GNAS-AS1: variants seen among roughly 807,000 people sequenced by gnomAD.
GNAS-AS1 encodes the protein GNAS antisense RNA 1.
At chr20:58,838,535 T>A (rs1268087244) in intron 4 of GNAS-AS1, among the ~76,000 whole-genome samples, 2 of 152,144 alleles carry the variant, frequency 1.3e-5, no homozygotes, top group Non-Finnish European at 2.9e-5. Flanking sequence ...CTTTTGTTGT[T>A]GTTGTTCACT....
At chr20:58,824,430 C>G (rs1003842705) in intron 4 of GNAS-AS1, among the ~76,000 whole-genome samples, 1 of 152,210 alleles carries the variant, frequency 6.6e-6, no homozygotes, top group Admixed American at 6.5e-5. Context: ...GAAAGGTGAG[C>G]AAAGTCCCAC....
At chr20:58,850,322 T>C (rs74327964) in intron 1 of GNAS-AS1, among the ~76,000 whole-genome samples, 1 of 152,356 alleles carries the variant, frequency 6.6e-6, no homozygotes, top group East Asian at 1.9e-4. Flanking sequence ...GTCACCTCCA[T>C]GCATGTGCTC....
chr20:58,844,050 G>A (rs765350123), intron 2 of GNAS-AS1: 2 of 152,208 alleles, frequency 1.3e-5, no homozygotes, highest in Non-Finnish European at 2.9e-5. Flanking sequence ...GGTTAAGGAG[G>A]AAGAAAGCTG....
At chr20:58,842,374 GATGA>G (rs2085772636) in intron 3 of GNAS-AS1, 1 of 398,128 alleles carries the variant, frequency 2.5e-6, no homozygotes, top group Admixed American at 4.4e-5. Flanking sequence ...GAGGGCTTGA[GATGA>G]ATGACGGTCA....
intron 4 of GNAS-AS1, among the ~76,000 whole-genome samples, chr20:58,827,122 G>GT (rs1248618517): frequency 5.3e-5 from 8 of 152,018 alleles, no homozygotes; most frequent in Admixed American, 5.2e-4. Context: ...TTTTAGTTAG[G>GT]TTTTCCCTAG....
chr20:58,843,210 T>TCCTCCCCCGCTCAATTCC (rs1568912084), intron 2 of GNAS-AS1: 5 of 107,270 alleles, frequency 4.7e-5, no homozygotes, highest in Non-Finnish European at 9.4e-5. Context: ...CGCTCAATTC[T>TCCTCCCCCGCTCAATTCC]CCTCCCCCGC....
exon 4 of GNAS-AS1, chr20:58,842,006 A>T: frequency 1.1e-6 from 1 of 875,610 alleles, no homozygotes; most frequent in Non-Finnish European, 1.5e-6. Context: ...CAGTCCTTGG[A>T]CGATCAGTCG....
At chr20:58,839,731 C>T (rs1013527043) in intron 4 of GNAS-AS1, 23 of 499,678 alleles carry the variant, frequency 4.6e-5, no homozygotes, top group Non-Finnish European at 3.5e-5. Context: ...ACCTCACTGC[C>T]CGTCCCTCCT....
rs1048874011 is a variant in GNAS-AS1, at chr20:58,841,739, G to T, written n.819+198C>A. On this transcript the variant is annotated intron_variant and non_coding_transcript_variant, in intron 4 of 4. Coordinates refer to ENST00000424094, the Ensembl canonical transcript of GNAS-AS1. The surrounding 1 kb of genome is among the most constrained non-coding windows in gnomAD (Gnocchi z 5.0). ...CGGGCTACCAGGGTTGAACGCACAG[G>T]CATGGTCACGTCGGGGTATTGCCAA... is the stretch of plus-strand genomic sequence containing the variant. 4.4e-5 allele frequency: 54 copies of T among 1,226,566 alleles called. No homozygotes were observed. The African/African-American group carries it at 6.8e-4, about 16-fold the overall frequency. 76.0% of individuals were successfully genotyped at this position (1,226,566 alleles called of 1,614,324 possible).
At chr20:58,835,690 G>A (rs973122804) in intron 4 of GNAS-AS1, among the ~76,000 whole-genome samples, 3 of 152,216 alleles carry the variant, frequency 2.0e-5, no homozygotes, top group African/African-American at 4.8e-5. Context: ...TGTGTGTGAT[G>A]TTGGATGGCA....
chr20:58,847,449 A>G (rs1007285303), intron 2 of GNAS-AS1, among the ~76,000 whole-genome samples: 5 of 152,262 alleles, frequency 3.3e-5, no homozygotes. Flanking sequence ...TCTTGATTGA[A>G]AAGTAATTAA....
chr20:58,850,538 T>C (rs1219325786), exon 1 of GNAS-AS1: 1 of 398,682 alleles, frequency 2.5e-6, no homozygotes, highest in Non-Finnish European at 4.4e-6. Flanking sequence ...ACCTTCCACT[T>C]GTGCAGGCTC....
At position 58,840,732 on chromosome 20, in the gene GNAS-AS1, A is replaced by T; in HGVS notation, n.819+1205T>A. The T allele has an allele frequency of 6.2e-7, 1 of 1,604,920 alleles. No individual in the cohort carries two copies. Among genetic ancestry groups the T allele is most frequent in the Non-Finnish European group, 8.5e-7 (1 of 1,179,578 alleles). On this transcript the variant is annotated intron_variant and non_coding_transcript_variant, in intron 4 of 4. Coordinates refer to ENST00000424094, the Ensembl canonical transcript of GNAS-AS1. This position sits in a 1 kb window ranked among gnomAD's most constrained non-coding sequence, Gnocchi z 6.0. Reference sequence around the variant, plus strand: ...CCAAGGGACCCCGAAGAGTCGAAGGAGCCCAAGGAGGAGAAGCAGCGGCGT... The same window carrying T: ...CCAAGGGACCCCGAAGAGTCGAAGGTGCCCAAGGAGGAGAAGCAGCGGCGT...
chr20:58,829,386 T>C (rs1332832856), intron 4 of GNAS-AS1, among the ~76,000 whole-genome samples: 1 of 152,214 alleles, frequency 6.6e-6, no homozygotes, highest in Non-Finnish European at 1.5e-5. Context: ...GTCTTTAAAA[T>C]AGACAACTTG....
intron 4 of GNAS-AS1, among the ~76,000 whole-genome samples, chr20:58,820,110 A>G (rs1479289994): frequency 6.6e-6 from 1 of 152,376 alleles, no homozygotes; most frequent in East Asian, 1.9e-4. Context: ...TGGGGGCACC[A>G]GGAATGGCAA....
rs930403342 is a variant in GNAS-AS1, at chr20:58,841,991, G to C, written n.765C>G. 2.6e-5 allele frequency: 25 copies of C among 954,148 alleles called. No homozygotes were observed. The highest frequency in any genetic ancestry group is 3.4e-5 in the Non-Finnish European group (25 of 734,198). The allele number at this position is 954,148 out of a possible 1,614,324, so 59.1% of individuals were successfully genotyped here. The stretch of plus-strand genomic sequence containing the variant: ...AGAGCTGGGGAAAGGTGTTGGATCC[G>C]GCGCCAGTCCTTGGACGATCAGTCG... On this transcript the variant is annotated non_coding_transcript_exon_variant, in exon 4 of 5. Transcript: ENST00000424094. This position sits in a 1 kb window ranked among gnomAD's most constrained non-coding sequence, Gnocchi z 5.0.
At chr20:58,850,879 G>T (rs1172460585) in exon 1 of GNAS-AS1, 1 of 398,710 alleles carries the variant, frequency 2.5e-6, no homozygotes, top group Non-Finnish European at 4.4e-6. Flanking sequence ...GCACCTCTTC[G>T]GGCGTTCCAA....
chr20:58,836,071 G>T (rs957284139), intron 4 of GNAS-AS1, among the ~76,000 whole-genome samples: 1 of 151,978 alleles, frequency 6.6e-6, no homozygotes, highest in Non-Finnish European at 1.5e-5. Context: ...AAGTGGGGGC[G>T]GGGGGGAGGA....
intron 4 of GNAS-AS1, chr20:58,826,016 T>C (rs2085517433): frequency 2.5e-6 from 1 of 398,590 alleles, no homozygotes; most frequent in South Asian, 1.3e-4. Flanking sequence ...AGCTTGCTCT[T>C]TTGCTTACCT....
Sources: gnomAD v4.1 joint callset for allele counts (sites outside exome capture counted in the v4.1 genomes callset) on GRCh38, gnomAD v4.1.1 for gene constraint, Gnocchi (gnomAD v3.1) non-coding constraint, MANE v1.5 for transcripts, NCBI Gene and HGNC (gene_info 2026-07-23, HGNC 2026-07-21) for gene names.